The following RIT2 variants were observed in gnomAD, a reference collection of about 807,000 sequenced individuals.
RIT2 encodes the protein Ras like without CAAX 2, also known as GTP-binding protein Rit2.
In RIT2, 24 loss-of-function variants were observed where a neutral mutation model predicts 23.7. The observed-to-expected ratio is 1.01, with a 90% CI of 0.73 to 1.43. The LOEUF is 1.43. Ranked by LOEUF, RIT2 falls within the 40% of genes most tolerant of loss-of-function variation. RIT2 has a pLI of 0.00. For synonymous variants in RIT2, 107 were observed against 91.1 expected, an observed-to-expected ratio of 1.17 and a Z score of -0.99; for missense variants, 236 against 266.9, an observed-to-expected ratio of 0.88 and a Z score of 0.81.
At chr18:42,773,856 A>C (rs999431998) in intron 4 of RIT2, among the ~76,000 whole-genome samples, 6 of 152,186 alleles carry the variant, frequency 3.9e-5, no homozygotes, top group African/African-American at 1.4e-4. Context: ...TCTATAACAC[A>C]AAAGCTGGAC....
chr18:43,105,506 G>GAGAGGAAGGGAGGAAGGAAGGAAGAA (rs1568083846), intron 1 of RIT2, among the ~76,000 whole-genome samples: 1 of 144,878 alleles, frequency 6.9e-6, no homozygotes. Flanking sequence ...GAAAGGGAGG[G>GAGAGGAAGGGAGGAAGGAAGGAAGAA]AGGGAGGGAG....
At chr18:42,816,336 T>G (rs1308805185) in intron 4 of RIT2, among the ~76,000 whole-genome samples, 1 of 152,160 alleles carries the variant, frequency 6.6e-6, no homozygotes, top group African/African-American at 2.4e-5. Context: ...TCAGGGGCAC[T>G]TTCATGTCCT....
At chr18:42,916,958 G>T (rs1268599314) in intron 4 of RIT2, among the ~76,000 whole-genome samples, 1 of 152,094 alleles carries the variant, frequency 6.6e-6, no homozygotes, top group Admixed American at 6.6e-5. Context: ...GGGCTCCCTA[G>T]CAAGATTTGC....
At chr18:42,953,692 C>T (rs369391638) in intron 3 of RIT2, among the ~76,000 whole-genome samples, 8 of 152,280 alleles carry the variant, frequency 5.3e-5, no homozygotes, top group African/African-American at 1.9e-4. Flanking sequence ...TGGGATATTT[C>T]CCACAGTTGC....
At chr18:43,070,695 T>A (rs770589083) in intron 1 of RIT2, among the ~76,000 whole-genome samples, 35 of 152,218 alleles carry the variant, frequency 2.3e-4, no homozygotes, top group Non-Finnish European at 4.7e-4. Context: ...GTGCATCAGC[T>A]ATTATGTAGT....
chr18:43,106,270 G>A (rs983681411), intron 1 of RIT2, among the ~76,000 whole-genome samples: 2 of 152,180 alleles, frequency 1.3e-5, no homozygotes, highest in Non-Finnish European at 2.9e-5. Context: ...TTTTGTGAAT[G>A]CACGCAGATT....
chr18:42,848,294 A>G (rs1391953258), intron 4 of RIT2, among the ~76,000 whole-genome samples: 1 of 152,166 alleles, frequency 6.6e-6, no homozygotes. Flanking sequence ...CCTACAAAAC[A>G]CAACCTATTA....
intron 1 of RIT2, among the ~76,000 whole-genome samples, chr18:43,089,805 A>G (rs1281269904): frequency 6.6e-6 from 1 of 152,036 alleles, no homozygotes; most frequent in Non-Finnish European, 1.5e-5. Flanking sequence ...TCCCTACTCA[A>G]TAAATAAAAG....
chr18:42,886,503 A>G (rs1267477861), intron 4 of RIT2, among the ~76,000 whole-genome samples: 1 of 152,186 alleles, frequency 6.6e-6, no homozygotes, highest in African/African-American at 2.4e-5. Context: ...TAGGTTTCTT[A>G]TAGTCTTTCA....
chr18:43,055,868 A>G (rs1404493871), intron 1 of RIT2, among the ~76,000 whole-genome samples: 1 of 152,128 alleles, frequency 6.6e-6, no homozygotes, highest in Non-Finnish European at 1.5e-5. Flanking sequence ...GCAGAGAAGT[A>G]AGCTAAATGA....
chr18:43,106,762 C>T (rs991374998), intron 1 of RIT2, among the ~76,000 whole-genome samples: 12 of 152,238 alleles, frequency 7.9e-5, no homozygotes, highest in East Asian at 3.9e-4. Context: ...AATACTCTCA[C>T]GCTGAAGCTG....
At chr18:43,030,601 G>A (rs1911831239) in intron 2 of RIT2, among the ~76,000 whole-genome samples, 1 of 151,998 alleles carries the variant, frequency 6.6e-6, no homozygotes, top group Non-Finnish European at 1.5e-5. Flanking sequence ...TTTTGGTTCT[G>A]TGTAGAAACC....
chr18:42,751,979 G>C (rs982841915), intron 4 of RIT2, among the ~76,000 whole-genome samples: 4 of 151,652 alleles, frequency 2.6e-5, no homozygotes, highest in African/African-American at 9.7e-5. Context: ...TACGAATATT[G>C]ACAAACCATA....
intron 2 of RIT2, among the ~76,000 whole-genome samples, chr18:42,980,520 C>T (rs931737425): frequency 5.3e-5 from 8 of 152,106 alleles, no homozygotes; most frequent in African/African-American, 1.7e-4. Context: ...CAATCAGTAT[C>T]TCTCTGATAC....
chr18:42,856,869 G>A lies in RIT2; in HGVS notation c.426+66703C>T, dbSNP rs1010357764. ...TTTTGAGACGGAGTTTTGCTCTGTC[G>A]CCCAGGCTGGAGTGCAGTGGTGGGA... On this transcript the variant is annotated intron_variant, in intron 4 of 4. Transcript: ENST00000326695. 7.3e-5 allele frequency among the ~76,000 whole-genome samples: 9 copies of A among 122,490 alleles called. 1 individual carries two copies. The highest frequency in any genetic ancestry group is 5.0e-4 in the South Asian group (2 of 4,002). 80.4% of individuals were successfully genotyped at this position (122,490 alleles called of 152,430 possible).
At chr18:42,765,887 A>G (rs1913409646) in intron 4 of RIT2, among the ~76,000 whole-genome samples, 1 of 152,044 alleles carries the variant, frequency 6.6e-6, no homozygotes, top group Non-Finnish European at 1.5e-5. Context: ...GTGATAGTGA[A>G]TAAGTCTCAT....
intron 4 of RIT2, among the ~76,000 whole-genome samples, chr18:42,757,432 G>T (rs1913189697): frequency 6.6e-6 from 1 of 152,014 alleles, no homozygotes; most frequent in South Asian, 2.1e-4. Flanking sequence ...AGGTATCTTG[G>T]GCTCCTTCAA....
chr18:42,768,574 A>C (rs1913478215), intron 4 of RIT2, among the ~76,000 whole-genome samples: 1 of 152,222 alleles, frequency 6.6e-6, no homozygotes, highest in Non-Finnish European at 1.5e-5. Context: ...TGTGAAAGAA[A>C]GTAGAGATTT....
At chr18:43,084,757 G>A (rs1471008755) in intron 1 of RIT2, among the ~76,000 whole-genome samples, 1 of 152,102 alleles carries the variant, frequency 6.6e-6, no homozygotes, top group Non-Finnish European at 1.5e-5. Context: ...GGGAGGGATA[G>A]CATTATGACA....
Sources: allele counts gnomAD v4.1 joint callset (sites outside exome capture counted in the v4.1 genomes callset), GRCh38; gene constraint gnomAD v4.1.1; transcripts MANE v1.5; gene names NCBI Gene and HGNC (gene_info 2026-07-23, HGNC 2026-07-21).